The following CNIH3 variants were observed in gnomAD, a reference collection of about 807,000 sequenced individuals.
The protein encoded by CNIH3 is protein cornichon homolog 3.
In CNIH3, 14 loss-of-function variants were observed where a neutral mutation model predicts 24.1. The observed-to-expected ratio is 0.58, with a 90% CI of 0.38 to 0.91. The LOEUF (loss-of-function observed/expected upper bound fraction) is 0.91, where lower values mean the gene tolerates loss of function less well. Among genes scored for constraint, CNIH3 ranks in the 40% least tolerant of loss-of-function variants. The probability of loss-of-function intolerance (pLI) is 0.00; values close to 1 mark genes in which losing one functional copy is unlikely to be tolerated. For synonymous variants in CNIH3, 68 were observed against 73.8 expected, an observed-to-expected ratio of 0.92 and a Z score of 0.40; for missense variants, 178 against 196.8, an observed-to-expected ratio of 0.90 and a Z score of 0.57.
At chr1:224,675,885 T>C (rs958838266) in intron 1 of CNIH3, among the ~76,000 whole-genome samples, 2 of 152,232 alleles carry the variant, frequency 1.3e-5, no homozygotes, top group African/African-American at 4.8e-5. Flanking sequence ...GGAACACTCA[T>C]GTTGCTTGTG....
chr1:224,515,746 A>G (rs2786563), upstream of CNIH3: 141,227 of 152,260 alleles, frequency 0.93, 65,615 homozygotes, highest in African/African-American at 0.98. Context: ...AACAGGCCAC[A>G]TCATGCTGAA....
intron 3 of CNIH3, among the ~76,000 whole-genome samples, chr1:224,598,258 C>G (rs7516323): frequency 0.7 from 106,137 of 152,018 alleles, 38,727 homozygotes; most frequent in East Asian, 0.99. Context: ...AATAGCAAGA[C>G]AACTAGAATC....
intron 1 of CNIH3, among the ~76,000 whole-genome samples, chr1:224,501,732 C>A (rs1301021884): frequency 6.6e-6 from 1 of 151,952 alleles, no homozygotes; most frequent in Admixed American, 6.6e-5. Context: ...AGGTGCGTGC[C>A]ACCACGCCCA....
At chr1:224,522,510 T>A (rs1403452323) in intron 2 of CNIH3, among the ~76,000 whole-genome samples, 1 of 152,216 alleles carries the variant, frequency 6.6e-6, no homozygotes, top group Non-Finnish European at 1.5e-5. Context: ...GCAGCGTGTC[T>A]AACTGGTAAA....
intron 3 of CNIH3, among the ~76,000 whole-genome samples, chr1:224,564,532 C>T (rs1558164300): frequency 1.3e-5 from 2 of 152,222 alleles, no homozygotes; most frequent in African/African-American, 4.8e-5. Context: ...GCATTTTTAT[C>T]AGGTCAAAGT....
chr1:224,698,398 T>C (rs1341773729), intron 3 of CNIH3, among the ~76,000 whole-genome samples: 3 of 152,194 alleles, frequency 2.0e-5, no homozygotes, highest in Admixed American at 1.3e-4. Flanking sequence ...TGTGGCCTTT[T>C]AGTGGTGACA....
intron 3 of CNIH3, among the ~76,000 whole-genome samples, chr1:224,689,673 C>T (rs921259560): frequency 6.6e-6 from 1 of 152,190 alleles, no homozygotes. Flanking sequence ...TCCTAAACAC[C>T]CTAGAATGTG....
chr1:224,528,519 C>T (rs879456409), intron 2 of CNIH3, among the ~76,000 whole-genome samples: 2 of 151,974 alleles, frequency 1.3e-5, no homozygotes, highest in Non-Finnish European at 2.9e-5. Flanking sequence ...TTGGGGGTCT[C>T]GCTTTGTTGC....
In CNIH3 at chr1:224,682,917, A is replaced by G. The variant is rs1031106853; in HGVS notation, c.151-1879A>G. On this transcript the variant is annotated intron_variant, in intron 2 of 5. Coordinates refer to ENST00000272133, the MANE Select transcript of CNIH3 (RefSeq NM_152495.2). ...ATTTGTCCTACTGCTCAATTCTATC[A>G]TGCAAATTCCATGCTGGGTTGCAGG... is the stretch of plus-strand genomic sequence containing the variant. Among the ~76,000 whole-genome samples the G allele has an allele frequency of 5.9e-5, 9 of 152,216 alleles. No individual in the cohort carries two copies. In the South Asian group the frequency reaches 6.2e-4, roughly 10 times the overall value.
Position 224,726,883 on chromosome 1 carries a change from TA to T in CNIH3, c.199-3567del, listed in dbSNP as rs11461562. Among the ~76,000 whole-genome samples the T allele has an allele frequency of 6.7e-4, 99 of 147,136 alleles. 1 individual carries two copies. The highest frequency in any genetic ancestry group is 1.4e-3 in the Admixed American group (21 of 14,738). ...GGCACCATTCAACAGCTTCTCTTAT[TA>T]AAAAAAAAAAAGTGTTTTCCAAAGC... On this transcript the variant is annotated intron_variant, in intron 3 of 5. Coordinates refer to ENST00000272133, the MANE Select transcript of CNIH3 (RefSeq NM_152495.2).
chr1:224,658,117 C>A (rs1167177819), intron 1 of CNIH3, among the ~76,000 whole-genome samples: 2 of 152,024 alleles, frequency 1.3e-5, no homozygotes, highest in Admixed American at 6.6e-5. Flanking sequence ...ATTCAAGGGA[C>A]CCTAATAGCT....
At chr1:224,620,674 A>T (rs1222698121) in intron 1 of CNIH3, among the ~76,000 whole-genome samples, 1 of 152,190 alleles carries the variant, frequency 6.6e-6, no homozygotes, top group Non-Finnish European at 1.5e-5. Flanking sequence ...CAGTAATCTT[A>T]TCCAGAAAAG....
In CNIH3 at chr1:224,616,695, G is replaced by C. The variant is rs957974504; in HGVS notation, c.-480G>C. 3.0e-6 allele frequency: 3 copies of C among 991,954 alleles called. No individual in the cohort carries two copies. In the African/African-American group the frequency reaches 5.2e-5, roughly 17 times the overall value. 61.4% of individuals were successfully genotyped at this position (991,954 alleles called of 1,614,324 possible). ...TCGGGCACCTCGCTGGACACTATCC[G>C]TTTGCGCCCCGGTGGCGCGGGAGGG... On this transcript the variant is annotated 5_prime_UTR_variant, in exon 1 of 6. Transcript: ENST00000272133.
chr1:224,622,896 A>C (rs1683347143), intron 1 of CNIH3, among the ~76,000 whole-genome samples: 1 of 152,150 alleles, frequency 6.6e-6, no homozygotes, highest in Non-Finnish European at 1.5e-5. Flanking sequence ...CTCTCCCAGT[A>C]AGTCTGCAAA....
chr1:224,528,537 G>T (rs550649495), intron 2 of CNIH3, among the ~76,000 whole-genome samples: 2 of 152,186 alleles, frequency 1.3e-5, no homozygotes, highest in East Asian at 3.9e-4. Context: ...TGCCCATGCT[G>T]GTCTTGAACT....
intron 1 of CNIH3, among the ~76,000 whole-genome samples, chr1:224,663,487 A>G (rs1344241790): frequency 1.3e-5 from 2 of 152,214 alleles, no homozygotes; most frequent in African/African-American, 4.8e-5. Context: ...CTGCAAATGG[A>G]AATTTCTTCA....
intron 1 of CNIH3, among the ~76,000 whole-genome samples, chr1:224,679,617 A>G (rs1193799536): frequency 6.6e-6 from 1 of 152,260 alleles, no homozygotes; most frequent in Non-Finnish European, 1.5e-5. Context: ...TTATCTGGCA[A>G]GGGATGATAT....
chr1:224,736,227 G>A (rs1011326725), intron 5 of CNIH3, among the ~76,000 whole-genome samples: 1 of 151,962 alleles, frequency 6.6e-6, no homozygotes. Flanking sequence ...CAGGCTCAAG[G>A]GATCCTCCTG....
chr1:224,683,161 G>A (rs906690368), intron 2 of CNIH3, among the ~76,000 whole-genome samples: 2 of 152,160 alleles, frequency 1.3e-5, no homozygotes, highest in Admixed American at 6.5e-5. Flanking sequence ...TGGCATAGAA[G>A]TTAAATCTCA....
Sources: gnomAD v4.1 joint callset for allele counts (sites outside exome capture counted in the v4.1 genomes callset) on GRCh38, gnomAD v4.1.1 for gene constraint, MANE v1.5 for transcripts, NCBI Gene and HGNC (gene_info 2026-07-23, HGNC 2026-07-21) for gene names.